Variants in SLC25A21 observed in about 807,000 individuals in gnomAD.
SLC25A21 encodes mitochondrial 2-oxodicarboxylate carrier.
Under a neutral mutation model 43.8 loss-of-function variants are expected in SLC25A21, and 47 were observed. The observed-to-expected ratio is 1.07, with a 90% CI of 0.85 to 1.37. The LOEUF (loss-of-function observed/expected upper bound fraction) is 1.37. Among genes scored for constraint, SLC25A21 ranks in the 40% most tolerant of loss-of-function variants. SLC25A21 has a pLI of 0.00. For synonymous variants in SLC25A21, 131 were observed against 121.3 expected (o/e 1.08, Z -0.52); for missense variants, 352 against 350.2 (o/e 1.00, Z -0.04).
intron 3 of SLC25A21, among the ~76,000 whole-genome samples, chr14:36,764,958 T>C (rs1255632001): frequency 6.6e-6 from 1 of 152,236 alleles, no homozygotes; most frequent in Non-Finnish European, 1.5e-5. Flanking sequence ...TAAGAACAGA[T>C]AAGCATTTTG....
chr14:37,017,361 G>A (rs550434271), intron 1 of SLC25A21, among the ~76,000 whole-genome samples: 2 of 152,098 alleles, frequency 1.3e-5, no homozygotes, highest in Non-Finnish European at 2.9e-5. Context: ...ACAGTCTGTG[G>A]AGCAGTCAGA....
At chr14:36,878,903 T>C (rs2138563178) in intron 1 of SLC25A21, among the ~76,000 whole-genome samples, 1 of 152,288 alleles carries the variant, frequency 6.6e-6, no homozygotes, top group South Asian at 2.1e-4. Flanking sequence ...TCATTCATGA[T>C]ATAAAAATTG....
At chr14:36,966,818 G>A (rs1959627653) in intron 1 of SLC25A21, among the ~76,000 whole-genome samples, 1 of 152,078 alleles carries the variant, frequency 6.6e-6, no homozygotes, top group Admixed American at 6.5e-5. Context: ...TGGGGAACCA[G>A]AACTTTATCC....
intron 1 of SLC25A21, among the ~76,000 whole-genome samples, chr14:37,013,222 C>T (rs1460072432): frequency 6.6e-6 from 1 of 152,110 alleles, no homozygotes; most frequent in Non-Finnish European, 1.5e-5. Flanking sequence ...CTTGTTTTAA[C>T]TATTCGTATG....
chr14:36,823,643 G>A (rs1398749701), intron 2 of SLC25A21, among the ~76,000 whole-genome samples: 1 of 152,050 alleles, frequency 6.6e-6, no homozygotes, highest in African/African-American at 2.4e-5. Context: ...AGAATAGAGA[G>A]GATCACACCA....
chr14:36,686,733 G>A (rs1427260072), intron 7 of SLC25A21, among the ~76,000 whole-genome samples: 1 of 152,058 alleles, frequency 6.6e-6, no homozygotes, highest in African/African-American at 2.4e-5. Context: ...TTTCAATTAA[G>A]GACAAGAATG....
intron 2 of SLC25A21, among the ~76,000 whole-genome samples, chr14:36,825,937 T>C (rs543486591): frequency 2.0e-4 from 30 of 152,192 alleles, no homozygotes; most frequent in Non-Finnish European, 3.7e-4. Context: ...AGATTAGAGT[T>C]AAACATTTGG....
intron 3 of SLC25A21, among the ~76,000 whole-genome samples, chr14:36,763,846 T>C (rs974505966): frequency 3.3e-5 from 5 of 151,110 alleles, no homozygotes; most frequent in African/African-American, 1.2e-4. Context: ...TTGGCCAAGA[T>C]GGTGAAAACC....
chr14:36,966,400 T>C (rs1959616379), intron 1 of SLC25A21, among the ~76,000 whole-genome samples: 1 of 152,124 alleles, frequency 6.6e-6, no homozygotes, highest in South Asian at 2.1e-4. Flanking sequence ...AGGTGATCAG[T>C]GGAATTGTTT....
chr14:36,976,103 C>T (rs765696989), intron 1 of SLC25A21, among the ~76,000 whole-genome samples: 1 of 152,148 alleles, frequency 6.6e-6, no homozygotes. Flanking sequence ...TGTTGACCTG[C>T]CATCCCTTGA....
At chr14:36,719,823 G>A (rs2139202849) in intron 6 of SLC25A21, among the ~76,000 whole-genome samples, 1 of 152,212 alleles carries the variant, frequency 6.6e-6, no homozygotes, top group Non-Finnish European at 1.5e-5. Context: ...ATATTTTGTG[G>A]GTAACATACT....
At chr14:36,922,977 C>T (rs1212073223) in intron 1 of SLC25A21, among the ~76,000 whole-genome samples, 1 of 151,958 alleles carries the variant, frequency 6.6e-6, no homozygotes, top group African/African-American at 2.4e-5. Context: ...ACGACGCAGA[C>T]CCAGGAGAAA....
At chr14:37,055,029 T>G (rs2138803294) in intron 1 of SLC25A21, among the ~76,000 whole-genome samples, 1 of 152,328 alleles carries the variant, frequency 6.6e-6, no homozygotes, top group African/African-American at 2.4e-5. Context: ...CTATAGACCT[T>G]CATGGCTATG....
rs141128914 is a variant in SLC25A21 at position 37,067,240 on chromosome 14, A to G, written c.70+105041T>C. 2.4e-3 allele frequency among the ~76,000 whole-genome samples: 363 copies of G among 152,284 alleles called. 2 individuals carry two copies. The highest frequency in any genetic ancestry group is 8.3e-3 in the African/African-American group (346 of 41,562). ...ATTTTGAATAGGCAAATAAAATGAA[A>G]TGAACCTGTAGTAACATCAGAGTAA... is the stretch of plus-strand genomic sequence containing the variant. On this transcript the variant is annotated intron_variant, in intron 1 of 9. Transcript: ENST00000331299.
intron 3 of SLC25A21, among the ~76,000 whole-genome samples, chr14:36,753,762 C>T (rs927299673): frequency 5.3e-5 from 8 of 152,046 alleles, no homozygotes; most frequent in East Asian, 1.9e-4. Flanking sequence ...AGAAAGGGCC[C>T]GTCACAGCTC....
intron 1 of SLC25A21, among the ~76,000 whole-genome samples, chr14:36,947,349 A>C (rs1892701529): frequency 6.6e-6 from 1 of 152,260 alleles, no homozygotes; most frequent in Admixed American, 6.5e-5. Context: ...AGAGTCTTTC[A>C]GTCTTGAAGA....
chr14:36,896,861 T>C (rs1891254445), intron 1 of SLC25A21, among the ~76,000 whole-genome samples: 1 of 152,236 alleles, frequency 6.6e-6, no homozygotes. Flanking sequence ...ATGTTGAATA[T>C]TGGCCCGCAC....
At chr14:36,803,479 TG>T (rs1292424852) in intron 3 of SLC25A21, among the ~76,000 whole-genome samples, 1 of 152,198 alleles carries the variant, frequency 6.6e-6, no homozygotes, top group East Asian at 1.9e-4. Flanking sequence ...CTTCTCCTTT[TG>T]GTTCTTGATT....
intron 2 of SLC25A21, among the ~76,000 whole-genome samples, chr14:36,858,677 C>T (rs1053819170): frequency 6.6e-6 from 1 of 152,246 alleles, no homozygotes; most frequent in African/African-American, 2.4e-5. Flanking sequence ...CCCCTGTTAC[C>T]GCTTGAAACC....
Sources: gnomAD v4.1 joint callset for allele counts (sites outside exome capture counted in the v4.1 genomes callset) on GRCh38, gnomAD v4.1.1 for gene constraint, MANE v1.5 for transcripts, NCBI Gene and HGNC (gene_info 2026-07-23, HGNC 2026-07-21) for gene names.